The following GRIK3 variants were observed in gnomAD, a reference collection of about 807,000 sequenced individuals.
The protein encoded by GRIK3 is glutamate ionotropic receptor kainate type subunit 3, also known as glutamate receptor ionotropic, kainate 3.
In GRIK3, 29 loss-of-function variants were observed where a neutral mutation model predicts 102.5. The ratio of observed to expected loss-of-function variants is 0.28; its 90% CI spans 0.21 to 0.39. GRIK3 has a LOEUF of 0.39. Among genes scored for constraint, GRIK3 ranks in the 10% least tolerant of loss-of-function variants. The pLI is 1.00. For missense variants in GRIK3, 908 were observed against 1,252.4 expected, an observed-to-expected ratio of 0.73 and a Z score of 4.15; for synonymous variants, 511 against 504.9, an observed-to-expected ratio of 1.01 and a Z score of -0.16.
chr1:36,985,866 G>A (rs905625454), intron 1 of GRIK3, among the ~76,000 whole-genome samples: 1 of 152,088 alleles, frequency 6.6e-6, no homozygotes, highest in African/African-American at 2.4e-5. Context: ...TTCTCTGTCC[G>A]ATCTCCCACA....
intron 1 of GRIK3, among the ~76,000 whole-genome samples, chr1:36,992,287 CCCTGTGGG>C (rs930417056): frequency 2.0e-5 from 3 of 152,104 alleles, no homozygotes; most frequent in Non-Finnish European, 4.4e-5. Flanking sequence ...TGAGGCAAGA[CCCTGTGGG>C]CCTGCAGGCA....
At chr1:37,023,283 C>T (rs1431919200) in intron 1 of GRIK3, among the ~76,000 whole-genome samples, 17 of 150,014 alleles carry the variant, frequency 1.1e-4, no homozygotes, top group East Asian at 3.9e-4. Flanking sequence ...GCTGAGATCA[C>T]GCCACTGCAC....
intron 10 of GRIK3, among the ~76,000 whole-genome samples, chr1:36,834,797 C>T (rs1164583478): frequency 6.6e-6 from 1 of 152,218 alleles, no homozygotes; most frequent in Non-Finnish European, 1.5e-5. Context: ...CTAGCCCTAG[C>T]ACAGTCCTGC....
At chr1:36,810,704 T>C (rs1642551634) in intron 13 of GRIK3, among the ~76,000 whole-genome samples, 1 of 152,258 alleles carries the variant, frequency 6.6e-6, no homozygotes, top group Admixed American at 6.5e-5. Flanking sequence ...TTTTCCATAT[T>C]AATTGGCTTT....
At chr1:36,834,540 C>T (rs1267851005) in intron 10 of GRIK3, among the ~76,000 whole-genome samples, 1 of 152,114 alleles carries the variant, frequency 6.6e-6, no homozygotes, top group African/African-American at 2.4e-5. Context: ...GGTTGGCACA[C>T]AGGCCTCCTG....
At chr1:37,031,126 G>A (rs1569589274) in intron 1 of GRIK3, among the ~76,000 whole-genome samples, 1 of 152,098 alleles carries the variant, frequency 6.6e-6, no homozygotes, top group South Asian at 2.1e-4. Context: ...CAATAATAAC[G>A]ACGATAATAA....
intron 1 of GRIK3, among the ~76,000 whole-genome samples, chr1:37,008,008 G>A (rs1324389091): frequency 6.6e-6 from 1 of 152,214 alleles, no homozygotes; most frequent in Non-Finnish European, 1.5e-5. Context: ...AGTCATTGCT[G>A]CAAAGGTGAA....
At position 36,796,478 on chromosome 1, in the gene GRIK3, G is replaced by A. The variant is rs1037084824; in HGVS notation, c.*5373C>T. 2.6e-5 allele frequency: 4 copies of A among 152,244 alleles called. No individual in the cohort carries two copies. The highest frequency in any genetic ancestry group is 1.3e-4 in the Admixed American group (2 of 15,284). 9.4% of individuals were successfully genotyped at this position (152,244 alleles called of 1,614,324 possible). A position where few individuals can be genotyped will look rare whatever the true frequency, so the allele number is the denominator to read the frequency against. ...TTGTCTGAGGCAAGGCAAACCCTTG[G>A]CTGGCATTTGACTGAATCTATGGCT... is the stretch of plus-strand genomic sequence containing the variant. On this transcript the variant is annotated 3_prime_UTR_variant, in exon 16 of 16. Coordinates refer to ENST00000373091, the MANE Select transcript of GRIK3 (RefSeq NM_000831.4).
intron 1 of GRIK3, 46 bp from the exon 2 acceptor site, chr1:36,891,142 G>C: frequency 6.8e-7 from 1 of 1,460,098 alleles, no homozygotes; most frequent in East Asian, 2.3e-5. Context: ...GGAGGGATGG[G>C]GCTCTAGCAA....
intron 1 of GRIK3, among the ~76,000 whole-genome samples, chr1:36,906,661 TG>T (rs1272742721): frequency 1.1e-4 from 16 of 152,162 alleles, no homozygotes; most frequent in African/African-American, 3.6e-4. Flanking sequence ...AGATGGTTGT[TG>T]TTGCAAGGAC....
chr1:36,991,010 C>T (rs903496493), intron 1 of GRIK3, among the ~76,000 whole-genome samples: 5 of 152,250 alleles, frequency 3.3e-5, no homozygotes, highest in Non-Finnish European at 5.9e-5. Context: ...CCCACAACTG[C>T]TCCTTCCTTG....
rs1641976223 is a variant in GRIK3, at chr1:36,959,664, C to T, written c.116-68568G>A. Among the ~76,000 whole-genome samples, 8 of 134,310 alleles carry T rather than the reference C, an allele frequency of 6.0e-5. 2 individuals carry two copies. Among genetic ancestry groups the T allele is most frequent in the Non-Finnish European group, 3.3e-5 (2 of 60,580 alleles). 88.1% of individuals were successfully genotyped at this position (134,310 alleles called of 152,430 possible). ...CTATGTGTCCCATAAGCTTGTATGC[C>T]CTGTGAGTCTGTGTGCCCTGTGACT... On this transcript the variant is annotated intron_variant, in intron 1 of 15. Transcript: ENST00000373091.
At chr1:36,877,337 C>A (rs1243556662) in intron 3 of GRIK3, among the ~76,000 whole-genome samples, 8 of 152,128 alleles carry the variant, frequency 5.3e-5, no homozygotes, top group African/African-American at 1.7e-4. Context: ...CCATTCTGGC[C>A]CCATGTTCTC....
chr1:36,897,371 C>T (rs747058623), intron 1 of GRIK3, among the ~76,000 whole-genome samples: 15 of 152,152 alleles, frequency 9.9e-5, no homozygotes, highest in Non-Finnish European at 1.2e-4. Context: ...AAGGATATCA[C>T]AAAATAATTC....
intron 1 of GRIK3, among the ~76,000 whole-genome samples, chr1:36,968,347 C>T (rs1642102643): frequency 6.6e-6 from 1 of 151,722 alleles, no homozygotes; most frequent in Non-Finnish European, 1.5e-5. Context: ...TCTCCCCCAC[C>T]ATCACTACCA....
intron 1 of GRIK3, among the ~76,000 whole-genome samples, chr1:36,983,583 G>A (rs1642272032): frequency 1.3e-5 from 2 of 151,994 alleles, no homozygotes; most frequent in South Asian, 4.2e-4. Flanking sequence ...AGAGGTCAAG[G>A]CATTTGCTCA....
chr1:36,939,878 C>A (rs935190638), intron 1 of GRIK3, among the ~76,000 whole-genome samples: 5 of 152,186 alleles, frequency 3.3e-5, no homozygotes, highest in Non-Finnish European at 7.3e-5. Context: ...CTACCGTTGT[C>A]CCTGGGCCCT....
At chr1:36,997,955 T>G (rs1446880691) in intron 1 of GRIK3, among the ~76,000 whole-genome samples, 2 of 152,136 alleles carry the variant, frequency 1.3e-5, no homozygotes, top group Non-Finnish European at 2.9e-5. Flanking sequence ...CAACTAGAAT[T>G]TAAGCCCTAT....
At chr1:36,972,508 G>C (rs1202306044) in intron 1 of GRIK3, among the ~76,000 whole-genome samples, 1 of 152,114 alleles carries the variant, frequency 6.6e-6, no homozygotes. Flanking sequence ...AACGGGAGGT[G>C]GGTTCTATCC....
Sources: gnomAD v4.1 joint callset for allele counts (sites outside exome capture counted in the v4.1 genomes callset) on GRCh38, gnomAD v4.1.1 for gene constraint, MANE v1.5 for transcripts, NCBI Gene and HGNC (gene_info 2026-07-23, HGNC 2026-07-21) for gene names.